GPR158: variants seen among roughly 807,000 people sequenced by gnomAD.
GPR158 encodes the protein G protein-coupled receptor 158, also known as metabotropic glycine receptor.
GPR158 carries 30 observed loss-of-function variants against 78.2 expected under a neutral mutation model. That is an observed-to-expected ratio of 0.38 (90% CI 0.29 to 0.52). The LOEUF is 0.52. GPR158 is among the 20% of genes least tolerant of loss of function. GPR158 has a pLI of 0.83. For missense variants in GPR158, 1,463 were observed against 1,523.5 expected (o/e 0.96, Z 0.66); for synonymous variants, 581 against 591.1 (o/e 0.98, Z 0.25).
chr10:25,359,434 G>A (rs1378489141), intron 2 of GPR158, among the ~76,000 whole-genome samples: 1 of 151,962 alleles, frequency 6.6e-6, no homozygotes, highest in Non-Finnish European at 1.5e-5. Flanking sequence ...ACAGGCCTGA[G>A]TATATGATGT....
chr10:25,437,592 A>G (rs1017397789), intron 4 of GPR158, among the ~76,000 whole-genome samples: 1 of 152,196 alleles, frequency 6.6e-6, no homozygotes, highest in African/African-American at 2.4e-5. Context: ...ATATGGAAAA[A>G]TACAATATTA....
intron 2 of GPR158, among the ~76,000 whole-genome samples, chr10:25,249,045 G>C (rs1353252424): frequency 6.6e-6 from 1 of 151,606 alleles, no homozygotes; most frequent in Non-Finnish European, 1.5e-5. Flanking sequence ...CTTGTAAGTT[G>C]GATTCCTTGG....
At chr10:25,320,063 G>A (rs758586897) in intron 2 of GPR158, among the ~76,000 whole-genome samples, 3 of 152,136 alleles carry the variant, frequency 2.0e-5, no homozygotes, top group Non-Finnish European at 2.9e-5. Context: ...ATCCAGCCCC[G>A]TCGAGTCACA....
At chr10:25,253,268 G>T (rs139336466) in intron 2 of GPR158, among the ~76,000 whole-genome samples, 1 of 151,572 alleles carries the variant, frequency 6.6e-6, no homozygotes, top group African/African-American at 2.4e-5. Flanking sequence ...AGAAATCACC[G>T]GTCTTCTGCG....
Position 25,553,067 on chromosome 10 carries a change from T to C in GPR158, c.1514+1982T>C, listed in dbSNP as rs7100421. On this transcript the variant is annotated intron_variant, in intron 6 of 10. Coordinates refer to ENST00000376351, the MANE Select transcript of GPR158 (RefSeq NM_020752.3). ...CATAAGATTCATCATCTTTCTTTCA[T>C]TGCATTTATTTTTTTAGTTATTTTC... Among the ~76,000 whole-genome samples, 1,101 of 152,302 alleles carry C rather than the reference T, an allele frequency of 7.2e-3. 14 individuals are homozygous for C. Among genetic ancestry groups the C allele is most frequent in the African/African-American group, 0.025 (1,050 of 41,572 alleles).
At chr10:25,473,511 A>G (rs1835538942) in intron 5 of GPR158, among the ~76,000 whole-genome samples, 2 of 152,078 alleles carry the variant, frequency 1.3e-5, no homozygotes, top group South Asian at 4.1e-4. Context: ...TGTTGATTGG[A>G]ATAGTGTCAG....
intron 4 of GPR158, among the ~76,000 whole-genome samples, chr10:25,413,052 G>A (rs1834614523): frequency 6.6e-6 from 1 of 152,186 alleles, no homozygotes; most frequent in Non-Finnish European, 1.5e-5. Flanking sequence ...CAGGAGCAGT[G>A]GCTCATGCCT....
intron 2 of GPR158, among the ~76,000 whole-genome samples, chr10:25,320,943 A>G (rs1405204514): frequency 6.6e-6 from 1 of 152,194 alleles, no homozygotes; most frequent in Non-Finnish European, 1.5e-5. Flanking sequence ...TGCATGTGTA[A>G]TTTATGCAAT....
intron 9 of GPR158, 138 bp from the exon 10 acceptor site, chr10:25,596,505 A>G: frequency 1.7e-6 from 1 of 594,746 alleles, no homozygotes; most frequent in Non-Finnish European, 2.9e-6. Context: ...CTATCTATCT[A>G]TCTATATATA....
At chr10:25,457,140 C>T (rs1397750009) in intron 4 of GPR158, among the ~76,000 whole-genome samples, 4,143 of 59,496 alleles carry the variant, frequency 0.07, 548 homozygotes, top group East Asian at 0.55. Flanking sequence ...CCATGCCCAC[C>T]TTTTTTTTTT....
chr10:25,600,780 T>C lies in GPR158; in HGVS notation c.*1506T>C, dbSNP rs1837486118. On this transcript the variant is annotated 3_prime_UTR_variant, in exon 11 of 11. Transcript: ENST00000376351. ...CTCGACATGTAACATGTAAGGTCCATTTGCAAAGCAAAGCAGCCCCCAAAG... is the reference window on the plus strand; with the variant it reads ...CTCGACATGTAACATGTAAGGTCCACTTGCAAAGCAAAGCAGCCCCCAAAG... 6.6e-6 allele frequency: 1 copy of C among 152,396 alleles called. No individual in the cohort carries two copies. Among genetic ancestry groups the C allele is most frequent in the South Asian group, 2.1e-4 (1 of 4,834 alleles). The allele number at this position is 152,396 out of a possible 1,614,324, so 9.4% of individuals were successfully genotyped here.
intron 5 of GPR158, among the ~76,000 whole-genome samples, chr10:25,546,445 A>C (rs1836662963): frequency 6.6e-6 from 1 of 152,088 alleles, no homozygotes; most frequent in African/African-American, 2.4e-5. Flanking sequence ...ACCCAGGCTT[A>C]AAATATTACA....
chr10:25,285,668 A>AG lies in GPR158; in HGVS notation c.1008+64514dup, dbSNP rs570721212. Among the ~76,000 whole-genome samples, 48 of 152,148 alleles carry AG rather than the reference A, an allele frequency of 3.2e-4. No individual in the cohort carries two copies. In the East Asian group the frequency reaches 4.1e-3, roughly 13 times the overall value. On this transcript the variant is annotated intron_variant, in intron 2 of 10. Coordinates refer to ENST00000376351, the MANE Select transcript of GPR158 (RefSeq NM_020752.3). ...GATTGGATGGTACTCACCCACTTTG[A>AG]GGGTGGATCTTCTCTAACCCCATTG...
At chr10:25,307,360 C>T (rs1345252736) in intron 2 of GPR158, among the ~76,000 whole-genome samples, 1 of 144,662 alleles carries the variant, frequency 6.9e-6, no homozygotes, top group Non-Finnish European at 1.5e-5. Context: ...ATGCCATACT[C>T]TCGTGTATTT....
intron 1 of GPR158, among the ~76,000 whole-genome samples, chr10:25,204,570 TG>T (rs1156744495): frequency 6.6e-6 from 1 of 152,204 alleles, no homozygotes; most frequent in African/African-American, 2.4e-5. Flanking sequence ...GATTTGTGTA[TG>T]TTGAGCCAGG....
At chr10:25,445,205 T>C (rs1382432370) in intron 4 of GPR158, among the ~76,000 whole-genome samples, 3 of 152,174 alleles carry the variant, frequency 2.0e-5, no homozygotes, top group African/African-American at 4.8e-5. Flanking sequence ...TAACGCTTGA[T>C]TCTAAATGGA....
chr10:25,189,111 G>A (rs377445679), intron 1 of GPR158, among the ~76,000 whole-genome samples: 3 of 152,108 alleles, frequency 2.0e-5, no homozygotes, highest in Admixed American at 6.5e-5. Flanking sequence ...TTAGAATGGC[G>A]ATCATTCAAA....
intron 5 of GPR158, among the ~76,000 whole-genome samples, chr10:25,495,202 G>A (rs1050020308): frequency 6.7e-6 from 1 of 149,630 alleles, no homozygotes; most frequent in East Asian, 2.0e-4. Context: ...TCAGTTTACC[G>A]AAGTTTATTT....
At chr10:25,232,075 T>C (rs756995283) in intron 2 of GPR158, among the ~76,000 whole-genome samples, 2 of 152,142 alleles carry the variant, frequency 1.3e-5, no homozygotes, top group East Asian at 1.9e-4. Context: ...TGATGAAATA[T>C]GAAGTTAGTG....
Sources: gnomAD v4.1 joint callset for allele counts (sites outside exome capture counted in the v4.1 genomes callset) on GRCh38, gnomAD v4.1.1 for gene constraint, MANE v1.5 for transcripts, NCBI Gene and HGNC (gene_info 2026-07-23, HGNC 2026-07-21) for gene names.